PRKCE: variants seen among roughly 807,000 people sequenced by gnomAD.
The protein encoded by PRKCE is protein kinase C epsilon.
A neutral mutation model predicts 85.4 loss-of-function variants in PRKCE; 16 were observed. The observed-to-expected ratio is 0.19, with a 90% CI of 0.13 to 0.28. PRKCE has a LOEUF of 0.28. PRKCE is among the 10% of genes least tolerant of loss of function. PRKCE has a pLI of 1.00. For synonymous variants in PRKCE, 388 were observed against 371.5 expected (o/e 1.04, Z -0.51); for missense variants, 573 against 975.2 (o/e 0.59, Z 5.49).
At chr2:45,860,297 C>T (rs1020431783) in intron 2 of PRKCE, among the ~76,000 whole-genome samples, 1 of 152,192 alleles carries the variant, frequency 6.6e-6, no homozygotes, top group African/African-American at 2.4e-5. Context: ...AGGGGTTGCT[C>T]CTTGTTCAGA....
In PRKCE at chr2:46,159,645, G is replaced by T; in HGVS notation, c.1960G>T (p.Ala654Ser). 1 of 1,599,266 alleles carries T rather than the reference G, an allele frequency of 6.3e-7. No individual in the cohort carries two copies. Residue 654 changes from alanine to serine, a missense_variant, in exon 14 of 15, where the codon GCA becomes TCA. Ala to Ser is a moderately conservative substitution (Grantham distance 99). Around this residue, in one of 11 missense-constraint regions of PRKCE, gnomAD observed 72 missense variants for 166.0 expected, o/e 0.43. Transcript: ENST00000306156. This position sits in a 1 kb window ranked among gnomAD's most constrained non-coding sequence, Gnocchi z 4.1. ...KNPHKRLGCV[A>S]SQNGEDAIKQ... ...TCCCCACAAGCGCCTGGGCTGTGTG[G>T]CATCGCAGAATGGCGAGGACGCCAT...
intron 1 of PRKCE, among the ~76,000 whole-genome samples, chr2:45,731,275 C>G (rs1351762750): frequency 1.3e-5 from 2 of 152,210 alleles, no homozygotes; most frequent in Non-Finnish European, 2.9e-5. Flanking sequence ...CTCTTGGGCT[C>G]AGAGCATTCA....
intron 10 of PRKCE, among the ~76,000 whole-genome samples, chr2:46,070,040 TC>T (rs1421688429): frequency 2.0e-5 from 3 of 152,224 alleles, no homozygotes; most frequent in Non-Finnish European, 4.4e-5. Flanking sequence ...CTTTTCCTGC[TC>T]AGAGGACCTC....
At chr2:45,833,632 G>A (rs1277295601) in intron 1 of PRKCE, among the ~76,000 whole-genome samples, 2 of 152,188 alleles carry the variant, frequency 1.3e-5, no homozygotes, top group African/African-American at 2.4e-5. Context: ...AACTGGGATT[G>A]GAACCCGGGT....
intron 2 of PRKCE, among the ~76,000 whole-genome samples, chr2:45,866,263 T>A (rs1481067775): frequency 1.3e-5 from 2 of 152,172 alleles, no homozygotes; most frequent in African/African-American, 2.4e-5. Context: ...TGAGATAATA[T>A]GTCTGGGATT....
intron 2 of PRKCE, among the ~76,000 whole-genome samples, chr2:45,855,048 C>T (rs749590153): frequency 6.6e-6 from 1 of 152,204 alleles, no homozygotes; most frequent in Non-Finnish European, 1.5e-5. Context: ...TTTGAAATAT[C>T]GTAGAACAAA....
Position 46,159,613 on chromosome 2 carries a change from C to T in PRKCE, c.1928C>T (p.Thr643Met), listed in dbSNP as rs746319284. The change falls in exon 14 of 15, where the codon ACG becomes ATG. Residue 643 changes from threonine (T) to methionine (M), a missense_variant. Around this residue, in one of 11 missense-constraint regions of PRKCE, gnomAD observed 72 missense variants for 166.0 expected, o/e 0.43. Coordinates refer to ENST00000306156, the MANE Select transcript of PRKCE (RefSeq NM_005400.3). The surrounding 1 kb of genome is among the most constrained non-coding windows in gnomAD (Gnocchi z 4.1). ...EAVSILKAFM[T>M]KNPHKRLGCV... Reference sequence around the variant, plus strand: ...CTGTCCTCATCCCTGCAGTTCATGACGAAGAATCCCCACAAGCGCCTGGGC... The same window carrying T: ...CTGTCCTCATCCCTGCAGTTCATGATGAAGAATCCCCACAAGCGCCTGGGC... 5.0e-6 allele frequency: 8 copies of T among 1,594,154 alleles called. No individual in the cohort carries two copies. The highest frequency in any genetic ancestry group is 2.2e-5 in the East Asian group (1 of 44,540).
intron 14 of PRKCE, among the ~76,000 whole-genome samples, chr2:46,161,497 C>G (rs910676502): frequency 6.6e-6 from 1 of 152,156 alleles, no homozygotes; most frequent in Admixed American, 6.5e-5. Context: ...CAGGTCTCAG[C>G]AAAACCACAT....
intron 1 of PRKCE, among the ~76,000 whole-genome samples, chr2:45,705,165 T>C (rs1679005153): frequency 6.6e-6 from 1 of 152,254 alleles, no homozygotes. Flanking sequence ...GGCATGTCTT[T>C]TACCACCATA....
chr2:45,874,922 T>C (rs1457940643), intron 2 of PRKCE, among the ~76,000 whole-genome samples: 1 of 152,194 alleles, frequency 6.6e-6, no homozygotes, highest in Non-Finnish European at 1.5e-5. Context: ...TACGTCTATT[T>C]GGCCTACATT....
At chr2:46,182,516 G>A (rs1321775561) in intron 14 of PRKCE, among the ~76,000 whole-genome samples, 1 of 152,106 alleles carries the variant, frequency 6.6e-6, no homozygotes, top group Non-Finnish European at 1.5e-5. Flanking sequence ...ACACCCCTCA[G>A]CTATAGGTTC....
intron 10 of PRKCE, among the ~76,000 whole-genome samples, chr2:46,040,488 G>T (rs1313716691): frequency 6.6e-6 from 1 of 152,138 alleles, no homozygotes; most frequent in Non-Finnish European, 1.5e-5. Flanking sequence ...GCTCACCCCA[G>T]TTCAACTGAA....
chr2:45,736,414 A>G (rs568032664), intron 1 of PRKCE, among the ~76,000 whole-genome samples: 1 of 152,332 alleles, frequency 6.6e-6, no homozygotes, highest in Non-Finnish European at 1.5e-5. Context: ...TGACTAGATC[A>G]TACTGTCTAA....
intron 13 of PRKCE, among the ~76,000 whole-genome samples, chr2:46,153,884 T>C (rs1365096430): frequency 6.7e-6 from 1 of 149,842 alleles, no homozygotes; most frequent in Non-Finnish European, 1.5e-5. Context: ...CCTCCCGGGT[T>C]CAAGAGATTC....
At chr2:45,872,848 TGGAGG>T (rs1354861189) in intron 2 of PRKCE, among the ~76,000 whole-genome samples, 1 of 152,024 alleles carries the variant, frequency 6.6e-6, no homozygotes, top group Non-Finnish European at 1.5e-5. Context: ...GGGGTGGGCA[TGGAGG>T]GGCAGCGGCA....
In PRKCE at chr2:45,895,792, A is replaced by G. The variant is rs369137084; in HGVS notation, c.412+52729A>G. Among the ~76,000 whole-genome samples, 4,172 of 152,220 alleles carry G rather than the reference A, an allele frequency of 0.027. 180 individuals are homozygous for G. The highest frequency in any genetic ancestry group is 0.094 in the African/African-American group (3,922 of 41,520). On this transcript the variant is annotated intron_variant, in intron 2 of 14. Transcript: ENST00000306156. The surrounding 1 kb of genome is among the most constrained non-coding windows in gnomAD (Gnocchi z 4.8). ...GCAGGAATCAGCTCAGTGAGGCAGG[A>G]ATCTACGCAGGTGCGCAGGTGTAGA...
chr2:45,807,325 AAAG>A (rs1207473157), intron 1 of PRKCE, among the ~76,000 whole-genome samples: 6 of 152,064 alleles, frequency 3.9e-5, no homozygotes, highest in African/African-American at 1.5e-4. Context: ...TGGCATTTTT[AAAG>A]AAGATGAAAC....
chr2:45,975,747 A>T (rs781647249), intron 2 of PRKCE, among the ~76,000 whole-genome samples: 1 of 152,142 alleles, frequency 6.6e-6, no homozygotes, highest in South Asian at 2.1e-4. Flanking sequence ...TATTGGGAAG[A>T]TCTTTTTGAC....
intron 10 of PRKCE, among the ~76,000 whole-genome samples, chr2:46,011,812 C>G (rs978738358): frequency 1.3e-5 from 2 of 152,138 alleles, no homozygotes. Context: ...AATGCCCATT[C>G]CATACTGAGG....
Sources: gnomAD v4.1 joint callset for allele counts (sites outside exome capture counted in the v4.1 genomes callset) on GRCh38, gnomAD v4.1.1 for gene constraint, gnomAD v4.1.1 regional missense constraint, Gnocchi (gnomAD v3.1) non-coding constraint, MANE v1.5 for transcripts, NCBI Gene and HGNC (gene_info 2026-07-23, HGNC 2026-07-21) for gene names.